CNKSR1: variants seen among roughly 807,000 people sequenced by gnomAD.
CNKSR1 encodes CNK homolog protein 1.
In CNKSR1, 88 loss-of-function variants were observed where a neutral mutation model predicts 95.6. That is an observed-to-expected ratio of 0.92 (90% CI 0.78 to 1.10). The LOEUF is 1.10. Ranked by LOEUF, CNKSR1 falls within the 50% of genes least tolerant of loss-of-function variation. CNKSR1 has a pLI of 0.00. For missense variants in CNKSR1, 836 were observed against 912.0 expected, an observed-to-expected ratio of 0.92 and a Z score of 1.07; for synonymous variants, 355 against 369.7, an observed-to-expected ratio of 0.96 and a Z score of 0.46.
chr1:26,189,169 C>T, intron 20 of CNKSR1, 110 bp from the exon 21 acceptor site: 1 of 1,426,798 alleles, frequency 7.0e-7, no homozygotes, highest in Non-Finnish European at 9.9e-7. Context: ...TCGTGCCACG[C>T]TGGCCAGGTG....
Position 26,185,071 on chromosome 1 carries a change from A to G in CNKSR1, c.1193A>G (p.Asp398Gly), listed in dbSNP as rs905085205. The G allele has an allele frequency of 1.2e-6, 2 of 1,605,640 alleles. No individual in the cohort carries two copies. The highest frequency in any genetic ancestry group is 1.7e-6 in the Non-Finnish European group (2 of 1,178,386). ...TCATGCCGTGAGCTGGGCCGGCCGG[A>G]CTGTGACGGCTGGCTCCTGTTGCGA... Reference protein sequence around the residue: ...RVSCRELGRPDCDGWLLLRKA... With the variant: ...RVSCRELGRPGCDGWLLLRKA... Residue 398 changes from aspartate (D) to glycine (G), a missense_variant, in exon 14 of 21, where the codon GAC (aspartate) becomes GGC (glycine). Coordinates refer to ENST00000361530, the MANE Select transcript of CNKSR1 (RefSeq NM_006314.3).
rs763632608 is a variant in CNKSR1 at position 26,184,337 on chromosome 1, G to T, written c.1000+50G>T. ...CCCGGACACGGCATCTGGGCACCCA[G>T]TTCTGACCCCAAGCCTGGGACTGGG... On this transcript the variant is annotated intron_variant, in intron 11 of 20. Transcript: ENST00000361530. 1.9e-6 allele frequency: 3 copies of T among 1,605,916 alleles called. No homozygotes were observed. The African/African-American group carries it at 4.0e-5, about 21-fold the overall frequency.
At chr1:26,182,651 G>T (rs2124510068) in intron 6 of CNKSR1, 67 bp downstream of exon 6, 1 of 1,368,266 alleles carries the variant, frequency 7.3e-7, no homozygotes, top group East Asian at 2.4e-5. Context: ...CTGAAATAGG[G>T]TCCAGGATCC....
Position 26,187,398 on chromosome 1 carries a change from C to T in CNKSR1, c.1383-13C>T, listed in dbSNP as rs1319046850. 5 of 1,613,840 alleles carry T rather than the reference C, an allele frequency of 3.1e-6. No homozygotes were observed. In the African/African-American group the frequency reaches 6.7e-5, roughly 22 times the overall value. On this transcript the variant is annotated splice_polypyrimidine_tract_variant and intron_variant, in intron 15 of 20. Transcript: ENST00000361530. ...ACGCCCAGGCTGAGTGATGCTCCTC[C>T]ACTACCTGGCAGTGTGTTTCAGCTC...
At chr1:26,179,137 GAC>G (rs2088606416) in intron 1 of CNKSR1, among the ~76,000 whole-genome samples, 1 of 152,234 alleles carries the variant, frequency 6.6e-6, no homozygotes, top group South Asian at 2.1e-4. Flanking sequence ...GCCCTCAATA[GAC>G]ACTTTTCTTA....
intron 16 of CNKSR1, 55 bp from the exon 17 acceptor site, chr1:26,188,178 CA>C (rs779128949): frequency 6.0e-4 from 881 of 1,457,068 alleles, no homozygotes; most frequent in Non-Finnish European, 8.1e-4. Context: ...AAGCCCCCAG[CA>C]TACAAGAGGG....
intron 13 of CNKSR1, 135 bp from the exon 14 acceptor site, chr1:26,184,879 A>G: frequency 1.0e-6 from 1 of 958,418 alleles, no homozygotes. Flanking sequence ...CACCTCAGAG[A>G]TGACACATGT....
intron 4 of CNKSR1, 132 bp from the exon 5 acceptor site, chr1:26,182,229 G>A (rs1569875906): frequency 1.1e-6 from 1 of 939,372 alleles, no homozygotes; most frequent in East Asian, 2.5e-5. Context: ...GAGGCCCTGT[G>A]GTTCTGGGCA....
At chr1:26,181,193 A>C (rs1178735016) in intron 3 of CNKSR1, 1 of 381,482 alleles carries the variant, frequency 2.6e-6, no homozygotes, top group African/African-American at 2.1e-5. Flanking sequence ...AGGCAGGAGA[A>C]TCACTCAAAC....
intron 1 of CNKSR1, among the ~76,000 whole-genome samples, chr1:26,178,544 C>CA (rs1393424585): frequency 6.6e-6 from 1 of 152,226 alleles, no homozygotes; most frequent in East Asian, 1.9e-4. Context: ...AGCAGGCAGT[C>CA]AGGACACCCC....
Position 26,189,541 on chromosome 1 carries a change from ACCTCTGACCCTGG to A in CNKSR1, c.2138_*8del. The A allele has an allele frequency of 1.3e-6, 2 of 1,496,546 alleles. No individual in the cohort carries two copies. Among genetic ancestry groups the A allele is most frequent in the Non-Finnish European group, 1.9e-6 (2 of 1,072,960 alleles). 92.7% of individuals were successfully genotyped at this position (1,496,546 alleles called of 1,614,324 possible). A position where few individuals can be genotyped will look rare whatever the true frequency, so the allele number is the denominator to read the frequency against. Reference sequence around the variant, plus strand: ...TCAGAGAGCAGCCTCCGACCTCCTGACCTCTGACCCTGGCCAGCACTCTAGCTCCTGACCTTTG... The same window carrying A: ...TCAGAGAGCAGCCTCCGACCTCCTGACCAGCACTCTAGCTCCTGACCTTTG... On this transcript the variant is annotated stop_lost and 3_prime_UTR_variant, in exon 21 of 21. Transcript: ENST00000361530.
chr1:26,179,057 T>C (rs61776644), intron 1 of CNKSR1, among the ~76,000 whole-genome samples: 24,380 of 152,246 alleles, frequency 0.16, 2,162 homozygotes, highest in Middle Eastern at 0.26. Context: ...CTTTACCTCC[T>C]AGAAATGCAG....
chr1:26,178,386 T>C (rs762563983), intron 1 of CNKSR1, among the ~76,000 whole-genome samples: 8 of 152,106 alleles, frequency 5.3e-5, no homozygotes, highest in African/African-American at 7.2e-5. Context: ...TAGGCCAGAC[T>C]GAAGAGGTTG....
chr1:26,187,091 C>T (rs576458839), intron 14 of CNKSR1, 77 bp from the exon 15 acceptor site: 67 of 1,111,992 alleles, frequency 6.0e-5, no homozygotes, highest in South Asian at 3.0e-4. Flanking sequence ...CTCAGGAGCC[C>T]GAGGGGTAAC....
At chr1:26,181,735 TA>T in intron 3 of CNKSR1, 121 bp from the exon 4 acceptor site, 1 of 942,514 alleles carries the variant, frequency 1.1e-6, no homozygotes, top group Non-Finnish European at 1.7e-6. Flanking sequence ...TCCTTTACTC[TA>T]AACCAAAACC....
At chr1:26,187,753 G>A (rs1324305043) in intron 16 of CNKSR1, among the ~76,000 whole-genome samples, 1 of 151,200 alleles carries the variant, frequency 6.6e-6, no homozygotes, top group Non-Finnish European at 1.5e-5. Flanking sequence ...TTCCTAGGTA[G>A]CTGAGACTAC....
chr1:26,186,378 A>G (rs2088750590), intron 14 of CNKSR1, among the ~76,000 whole-genome samples: 1 of 152,052 alleles, frequency 6.6e-6, no homozygotes, highest in East Asian at 1.9e-4. Context: ...TCAGCTCACT[A>G]CAGCCTCAGC....
rs777467756 is a variant in CNKSR1, at chr1:26,185,102, A to C, written c.1224A>C (p.Ala408=). ...DCDGWLLLRK[A]PGGFMGPRWR... is the part of the protein sequence containing the mutation. ...ACGGCTGGCTCCTGTTGCGAAAGGCACCGGGCGGCTTCATGGGCCCGCGCT... is the reference window on the plus strand; with the variant it reads ...ACGGCTGGCTCCTGTTGCGAAAGGCCCCGGGCGGCTTCATGGGCCCGCGCT... Residue 408 remains alanine (A), a synonymous_variant, in exon 14 of 21, where the codon GCA becomes GCC. Coordinates refer to ENST00000361530, the MANE Select transcript of CNKSR1 (RefSeq NM_006314.3). 1 of 1,603,996 alleles carries C rather than the reference A, an allele frequency of 6.2e-7. No homozygotes were observed. The highest frequency in any genetic ancestry group is 1.1e-5 in the South Asian group (1 of 89,564).
In CNKSR1 at chr1:26,188,861, G is replaced by C. The variant is rs2088810356; in HGVS notation, c.1780G>C (p.Glu594Gln). Residue 594 changes from glutamate to glutamine, a missense_variant, in exon 20 of 21, where the codon GAA becomes CAA. Coordinates refer to ENST00000361530, the MANE Select transcript of CNKSR1 (RefSeq NM_006314.3). Reference sequence around the variant, plus strand: ...AGGCCAGCCACAGCCCCTGACCCAGGAACAGTGGCGGAGCTCTTTCATGCG... The same window carrying C: ...AGGCCAGCCACAGCCCCTGACCCAGCAACAGTGGCGGAGCTCTTTCATGCG... ...LLGQPQPLTQ[E>Q]QWRSSFMRRN... The C allele has an allele frequency of 6.2e-7, 1 of 1,613,778 alleles. No homozygotes were observed. Among genetic ancestry groups the C allele is most frequent in the Non-Finnish European group, 8.5e-7 (1 of 1,179,984 alleles).
Sources: gnomAD v4.1 joint callset for allele counts (sites outside exome capture counted in the v4.1 genomes callset) on GRCh38, gnomAD v4.1.1 for gene constraint, MANE v1.5 for transcripts, NCBI Gene and HGNC (gene_info 2026-07-23, HGNC 2026-07-21) for gene names.